L3MBTL3: variants seen among roughly 807,000 people sequenced by gnomAD.
L3MBTL3 encodes the protein lethal(3)malignant brain tumor-like protein 3.
L3MBTL3 carries 27 observed loss-of-function variants against 102.3 expected under a neutral mutation model. That is an observed-to-expected ratio of 0.26 (90% confidence interval 0.19 to 0.36). L3MBTL3 has a LOEUF of 0.36. Among genes scored for constraint, L3MBTL3 ranks in the 10% least tolerant of loss-of-function variants. The pLI is 1.00. For synonymous variants in L3MBTL3, 340 were observed against 320.9 expected, an observed-to-expected ratio of 1.06 and a Z score of -0.64; for missense variants, 798 against 955.3, an observed-to-expected ratio of 0.84 and a Z score of 2.17.
chr6:130,051,041 C>A (rs938174638), intron 5 of L3MBTL3, among the ~76,000 whole-genome samples: 7 of 152,132 alleles, frequency 4.6e-5, no homozygotes, highest in African/African-American at 1.7e-4. Flanking sequence ...ATCCTTTCTG[C>A]AGAATATTTT....
chr6:130,125,601 C>T (rs1159446175), intron 20 of L3MBTL3, among the ~76,000 whole-genome samples: 1 of 152,118 alleles, frequency 6.6e-6, no homozygotes, highest in Non-Finnish European at 1.5e-5. Flanking sequence ...TCTTTCAAAC[C>T]CAAGGCTGAA....
chr6:130,034,944 T>C (rs964833313), intron 2 of L3MBTL3, among the ~76,000 whole-genome samples: 19 of 152,198 alleles, frequency 1.2e-4, no homozygotes, highest in African/African-American at 4.3e-4. Context: ...CTCTCATCCA[T>C]CTGTTGAGCT....
intron 19 of L3MBTL3, among the ~76,000 whole-genome samples, chr6:130,120,300 G>A (rs574555161): frequency 6.6e-6 from 1 of 152,238 alleles, no homozygotes; most frequent in South Asian, 2.1e-4. Flanking sequence ...AGACTGTAAT[G>A]GATCTATTCC....
In L3MBTL3 at chr6:130,140,800, T is replaced by G. The variant is rs1362592045; in HGVS notation, c.*1047T>G. On this transcript the variant is annotated 3_prime_UTR_variant, in exon 23 of 23. Transcript: ENST00000361794. ...TCAGGGTTGGCTAGAGAGCGAGTAT[T>G]GTGATTTTGCTGAAAAGACAAGGTG... The G allele has an allele frequency of 6.6e-6, 1 of 152,358 alleles. No individual in the cohort carries two copies. The allele number at this position is 152,358 out of a possible 1,614,324, so 9.4% of individuals were successfully genotyped here.
intron 2 of L3MBTL3, among the ~76,000 whole-genome samples, chr6:130,039,579 A>G (rs1231067370): frequency 6.8e-6 from 1 of 147,532 alleles, no homozygotes; most frequent in East Asian, 2.0e-4. Context: ...TTGAAAGCTC[A>G]AAGAGGTATT....
chr6:130,043,852 A>T (rs1780576046), intron 3 of L3MBTL3, among the ~76,000 whole-genome samples: 1 of 152,150 alleles, frequency 6.6e-6, no homozygotes, highest in Non-Finnish European at 1.5e-5. Flanking sequence ...GGTTGGGTTT[A>T]ATTAAGTGTA....
chr6:130,114,395 G>A (rs1304891290), intron 19 of L3MBTL3, among the ~76,000 whole-genome samples: 3 of 152,098 alleles, frequency 2.0e-5, no homozygotes, highest in Non-Finnish European at 4.4e-5. Flanking sequence ...GTAGAAAAGC[G>A]GTGACATCTG....
intron 19 of L3MBTL3, 140 bp from the exon 20 acceptor site, chr6:130,120,736 TGTA>T: frequency 1.7e-6 from 1 of 600,612 alleles, no homozygotes; most frequent in East Asian, 2.9e-5. Context: ...TTAATTGCCT[TGTA>T]GGAGAACTAT....
At chr6:130,060,423 G>A (rs759854601) in intron 10 of L3MBTL3, among the ~76,000 whole-genome samples, 19 of 151,968 alleles carry the variant, frequency 1.3e-4, no homozygotes, top group Non-Finnish European at 2.5e-4. Context: ...TCTGTCTGAT[G>A]CCATAGCCCT....
rs144632288 is a variant in L3MBTL3 at position 130,063,280 on chromosome 6, C to T, written c.865-3073C>T. On this transcript the variant is annotated intron_variant, in intron 10 of 22. Transcript: ENST00000361794. ...GGGAAACCTTCTTTGGGTTAGAAGG[C>T]AAATTACTGGCTGAGAGTGAGGATG... 7.9e-3 allele frequency among the ~76,000 whole-genome samples: 1,203 copies of T among 152,134 alleles called. 65 individuals carry two copies. The highest frequency in any genetic ancestry group is 0.072 in the Admixed American group (1,092 of 15,272).
At chr6:130,024,129 T>A (rs376354588) in intron 2 of L3MBTL3, among the ~76,000 whole-genome samples, 1 of 152,270 alleles carries the variant, frequency 6.6e-6, no homozygotes, top group Admixed American at 6.5e-5. Context: ...ATGAGTCTGC[T>A]GGGAGATGAG....
At chr6:130,059,902 G>GA in intron 9 of L3MBTL3, 134 bp from the exon 10 acceptor site, 5 of 569,108 alleles carry the variant, frequency 8.8e-6, no homozygotes, top group Non-Finnish European at 1.5e-5. Flanking sequence ...GTTATTTATT[G>GA]ATTTCTTTTT....
chr6:130,093,922 A>G (rs1172348420), intron 17 of L3MBTL3, among the ~76,000 whole-genome samples: 1 of 152,186 alleles, frequency 6.6e-6, no homozygotes, highest in East Asian at 1.9e-4. Flanking sequence ...TGCTTTAATT[A>G]TGTTATTTAC....
intron 20 of L3MBTL3, among the ~76,000 whole-genome samples, chr6:130,130,904 G>A (rs1198084712): frequency 6.6e-6 from 1 of 152,008 alleles, no homozygotes; most frequent in Admixed American, 6.6e-5. Flanking sequence ...TTCAAATTTT[G>A]GATTAGGCTA....
rs560917183 is a variant in L3MBTL3, at chr6:130,092,981, C to A, written c.1633+122C>A. The A allele has an allele frequency of 2.2e-3, 1,252 of 564,434 alleles. 3 individuals carry two copies. The highest frequency in any genetic ancestry group is 3.5e-3 in the Admixed American group (101 of 29,198). The allele number at this position is 564,434 out of a possible 1,614,324, so 35.0% of individuals were successfully genotyped here. A position where few individuals can be genotyped will look rare whatever the true frequency, so the allele number is the denominator to read the frequency against. ...TACTGATGTTTCTTCTCTATGTAAT[C>A]CCTTCCTTTTACTACATTTTAATTA... On this transcript the variant is annotated intron_variant, in intron 17 of 22. Coordinates refer to ENST00000361794, the MANE Select transcript of L3MBTL3 (RefSeq NM_032438.4).
At chr6:130,135,977 A>T (rs543336185) in intron 22 of L3MBTL3, among the ~76,000 whole-genome samples, 2 of 152,342 alleles carry the variant, frequency 1.3e-5, no homozygotes, top group African/African-American at 4.8e-5. Context: ...AAGTATTCAG[A>T]TAGGCTGTTG....
chr6:130,107,832 C>G (rs1467718582), intron 19 of L3MBTL3, among the ~76,000 whole-genome samples: 1 of 152,148 alleles, frequency 6.6e-6, no homozygotes, highest in African/African-American at 2.4e-5. Context: ...TCCTCCCATG[C>G]AACTTTAACA....
Position 130,020,694 on chromosome 6 carries a change from T to G in L3MBTL3, c.-94-1533T>G, listed in dbSNP as rs543139010. 135 of 152,060 alleles carry G rather than the reference T, an allele frequency of 8.9e-4. 1 individual carries two copies. The highest frequency in any genetic ancestry group is 3.2e-3 in the African/African-American group (131 of 41,458). The allele number at this position is 152,060 out of a possible 1,614,324, so 9.4% of individuals were successfully genotyped here. ...GTAAACGTTGCTTCGGTTTCCCTTC[T>G]GAGTCCCCCTGCTGCCACCACCCCG... On this transcript the variant is annotated intron_variant, in intron 1 of 22. Coordinates refer to ENST00000361794, the MANE Select transcript of L3MBTL3 (RefSeq NM_032438.4).
rs762872112 is a variant in L3MBTL3 at position 130,120,953 on chromosome 6, C to G, written c.1961C>G (p.Ala654Gly). The change falls in exon 20 of 23, where the codon GCC becomes GGC. Residue 654 changes from alanine to glycine, a missense_variant. Around this residue, in one of 4 missense-constraint regions of L3MBTL3, gnomAD observed 306 missense variants for 314.4 expected, o/e 0.97. Transcript: ENST00000361794. ...AGTGAAATGAGAACATCACATGAAG[C>G]CAGAGGTAGCCATAATAATTCTCAT... ...TESEMRTSHE[A>G]RGAREEPTVQ... is the part of the protein sequence containing the mutation. The G allele has an allele frequency of 6.2e-7, 1 of 1,602,990 alleles. No individual in the cohort carries two copies. Among genetic ancestry groups the G allele is most frequent in the Non-Finnish European group, 8.5e-7 (1 of 1,171,118 alleles).
Sources: allele counts gnomAD v4.1 joint callset (sites outside exome capture counted in the v4.1 genomes callset), GRCh38; gene constraint gnomAD v4.1.1; regional missense constraint gnomAD v4.1.1; transcripts MANE v1.5; gene names NCBI Gene and HGNC (gene_info 2026-07-23, HGNC 2026-07-21).